COL1A1: variants seen among roughly 807,000 people sequenced by gnomAD.
COL1A1 encodes collagen type I alpha 1 chain.
In COL1A1, 21 loss-of-function variants were observed where a neutral mutation model predicts 195.7. The observed-to-expected ratio is 0.11, with a 90% CI of 0.08 to 0.15. The LOEUF is 0.15. Ranked by LOEUF, COL1A1 falls within the 10% of genes least tolerant of loss-of-function variation. The pLI is 1.00. For missense variants in COL1A1, 1,365 were observed against 2,051.0 expected (o/e 0.67, Z 6.46); for synonymous variants, 749 against 747.3 (o/e 1.00, Z -0.04).
At chr17:50,192,149 A>C (rs948221046) in intron 29 of COL1A1, 125 bp from the exon 30 acceptor site, 1 of 1,054,234 alleles carries the variant, frequency 9.5e-7, no homozygotes, top group African/African-American at 1.6e-5. Context: ...TCAGCACTGA[A>C]TTGAGATTAT....
At position 50,188,125 on chromosome 17, in the gene COL1A1, C is replaced by T. The variant is rs1000721897; in HGVS notation, c.3232G>A (p.Val1078Ile). The change falls in exon 44 of 51, where the codon GTC becomes ATC. Residue 1078 changes from valine (V) to isoleucine (I), a missense_variant. This residue lies in a region of COL1A1 where 671 missense variants were observed against 1,099.9 expected (regional missense o/e 0.61). Coordinates refer to ENST00000225964, the MANE Select transcript of COL1A1 (RefSeq NM_000088.4). The surrounding 1 kb of genome is among the most constrained non-coding windows in gnomAD (Gnocchi z 5.6). The part of the protein sequence containing the change: ...ETGPAGPAGP[V>I]GPVGARGPAG... ...GGGCCACGGGCGCCAACAGGGCCGA[C>T]AGGACCGGCGGGACCAGCAGGACCC... The T allele has an allele frequency of 3.8e-6, 6 of 1,574,954 alleles. No homozygotes were observed. Among genetic ancestry groups the T allele is most frequent in the African/African-American group, 2.7e-5 (2 of 73,984 alleles).
chr17:50,201,164 G>T (rs1227139713), intron 1 of COL1A1, among the ~76,000 whole-genome samples: 1 of 152,160 alleles, frequency 6.6e-6, no homozygotes, highest in Non-Finnish European at 1.5e-5. Flanking sequence ...GCGCGCTCGG[G>T]ATTCTCTCTT....
rs990301394 is a variant in COL1A1 at position 50,190,624 on chromosome 17, G to A, written c.2344-28C>T. On this transcript the variant is annotated intron_variant, in intron 33 of 50. Transcript: ENST00000225964. This position sits in a 1 kb window ranked among gnomAD's most constrained non-coding sequence, Gnocchi z 4.7. ...GAGAGCAAGGGACAAGAGGCTCAGG[G>A]TCAGGGCCTCCCCTGAATACTCCTA... The A allele has an allele frequency of 1.2e-6, 2 of 1,611,126 alleles. No individual in the cohort carries two copies. Among genetic ancestry groups the A allele is most frequent in the African/African-American group, 2.7e-5 (2 of 74,774 alleles).
intron 8 of COL1A1, 53 bp downstream of exon 8, chr17:50,197,896 G>C (rs1008421867): frequency 1.3e-6 from 2 of 1,599,052 alleles, no homozygotes; most frequent in Non-Finnish European, 1.7e-6. Flanking sequence ...TTCTTCTATA[G>C]GAGAGTCTGT....
rs772353130 is a variant in COL1A1, at chr17:50,186,447, T to A, written c.3875A>T (p.Asn1292Ile). The A allele has an allele frequency of 6.2e-7, 1 of 1,614,224 alleles. No homozygotes were observed. Among genetic ancestry groups the A allele is most frequent in the South Asian group, 1.1e-5 (1 of 91,084 alleles). Residue 1292 changes from asparagine to isoleucine, a missense_variant, in exon 49 of 51, where the codon AAC (asparagine) becomes ATC (isoleucine). Around this residue, in one of 5 missense-constraint regions of COL1A1, gnomAD observed 273 missense variants for 338.6 expected, o/e 0.81. Coordinates refer to ENST00000225964, the MANE Select transcript of COL1A1 (RefSeq NM_000088.4). The surrounding 1 kb of genome is among the most constrained non-coding windows in gnomAD (Gnocchi z 5.3). ...CACGCAGGTCTCACCAGTCTCCATG[T>A]TGCAGAAGACTTTGATGGCATCCAG... is the stretch of plus-strand genomic sequence containing the variant. ...CNLDAIKVFC[N>I]METGETCVYP...
intron 29 of COL1A1, 189 bp downstream of exon 29, chr17:50,192,286 G>GAA: frequency 2.6e-6 from 2 of 755,746 alleles, no homozygotes; most frequent in Non-Finnish European, 4.5e-6. Context: ...GCTCTTAAAA[G>GAA]AAGTCACCCA....
At position 50,192,540 on chromosome 17, in the gene COL1A1, A is replaced by G; in HGVS notation, c.1930-12T>C. On this transcript the variant is annotated splice_polypyrimidine_tract_variant and intron_variant, in intron 28 of 50. Transcript: ENST00000225964. Reference sequence around the variant, plus strand: ...GGACCAGGGAGACCCTGTAGGTGGGAAATGGGGGAAGAAGGGAGGGAAGGT... The same window carrying G: ...GGACCAGGGAGACCCTGTAGGTGGGGAATGGGGGAAGAAGGGAGGGAAGGT... The G allele has an allele frequency of 6.2e-7, 1 of 1,613,954 alleles. No homozygotes were observed. The highest frequency in any genetic ancestry group is 8.5e-7 in the Non-Finnish European group (1 of 1,179,960).
chr17:50,188,799 C>A lies in COL1A1; in HGVS notation c.3046-4G>T. 2 of 1,537,732 alleles carry A rather than the reference C, an allele frequency of 1.3e-6. No individual in the cohort carries two copies. The highest frequency in any genetic ancestry group is 1.8e-6 in the Non-Finnish European group (2 of 1,121,702). ...AACCTTCGGCACCAGGAGCCCCCTGCAGAGAGAGAGAGAGAGAAGTGAGAG... is the reference window on the plus strand; with the variant it reads ...AACCTTCGGCACCAGGAGCCCCCTGAAGAGAGAGAGAGAGAGAAGTGAGAG... On this transcript the variant is annotated splice_region_variant and splice_polypyrimidine_tract_variant and intron_variant, in intron 41 of 50. Transcript: ENST00000225964. This position sits in a 1 kb window ranked among gnomAD's most constrained non-coding sequence, Gnocchi z 5.6.
At position 50,197,031 on chromosome 17, in the gene COL1A1, G is replaced by A. The variant is rs369971149; in HGVS notation, c.783C>T (p.Leu261=). 5 of 1,613,944 alleles carry A rather than the reference G, an allele frequency of 3.1e-6. No individual in the cohort carries two copies. Among genetic ancestry groups the A allele is most frequent in the Non-Finnish European group, 3.4e-6 (4 of 1,180,000 alleles). The change falls in exon 11 of 51, where the codon CTC becomes CTT. Residue 261 remains leucine (L), a synonymous_variant. Coordinates refer to ENST00000225964, the MANE Select transcript of COL1A1 (RefSeq NM_000088.4). ...TCACTCTGTGTCCCTTCATTCCAGG[G>A]AGGCCAGCTGTTCCGGGCAATCCTC... The part of the protein sequence containing the change: ...GARGLPGTAG[L]PGMKGHRGFS...
rs372290536 is a variant in COL1A1 at position 50,186,689 on chromosome 17, G to A, written c.3765C>T (p.Pro1255=). 6.2e-6 allele frequency: 10 copies of A among 1,613,672 alleles called. No homozygotes were observed. The Admixed American group carries it at 8.3e-5, about 13-fold the overall frequency. Residue 1255 remains proline (P), a synonymous_variant, in exon 48 of 51, where the codon CCC becomes CCT. Transcript: ENST00000225964. The surrounding 1 kb of genome is among the most constrained non-coding windows in gnomAD (Gnocchi z 5.3). ...IRSPEGSRKN[P]ARTCRDLKMC... Reference sequence around the variant, plus strand: ...TCTTGAGGTCACGGCAGGTGCGGGCGGGGTTCTTGCGGCTGCCCTCTGGGC... The same window carrying A: ...TCTTGAGGTCACGGCAGGTGCGGGCAGGGTTCTTGCGGCTGCCCTCTGGGC...
intron 25 of COL1A1, chr17:50,193,347 G>T (rs1907265513): frequency 1.9e-6 from 1 of 513,864 alleles, no homozygotes; most frequent in Non-Finnish European, 3.5e-6. Context: ...CACCAAGACT[G>T]GGGGTGCCTA....
rs780472683 is a variant in COL1A1, at chr17:50,186,457, C to T, written c.3865G>A (p.Val1289Ile). The T allele has an allele frequency of 6.2e-7, 1 of 1,614,184 alleles. No individual in the cohort carries two copies. Among genetic ancestry groups the T allele is most frequent in the South Asian group, 1.1e-5 (1 of 91,078 alleles). Residue 1289 changes from valine (V) to isoleucine (I), a missense_variant, in exon 49 of 51, where the codon GTC (valine) becomes ATC (isoleucine). Val to Ile is a conservative substitution (Grantham distance 29, BLOSUM62 3). Coordinates refer to ENST00000225964, the MANE Select transcript of COL1A1 (RefSeq NM_000088.4). The surrounding 1 kb of genome is among the most constrained non-coding windows in gnomAD (Gnocchi z 5.3). Reference protein sequence around the residue: ...NQGCNLDAIKVFCNMETGETC... With the variant: ...NQGCNLDAIKIFCNMETGETC... ...TCACCAGTCTCCATGTTGCAGAAGA[C>T]TTTGATGGCATCCAGGTTGCAGCCT...
rs1349721736 is a variant in COL1A1, at chr17:50,187,945, G to A, written c.3300C>T (p.Gly1100=). The part of the protein sequence containing the change: ...QGPRGDKGET[G]EQGDRGIKGH... The stretch of plus-strand genomic sequence containing the variant: ...CCTTTATGCCTCTGTCGCCCTGTTC[G>A]CCTGTCTCACCCTTGTCACCACGGG... The change falls in exon 45 of 51, where the codon GGC becomes GGT. Residue 1100 remains glycine (G), a synonymous_variant. Coordinates refer to ENST00000225964, the MANE Select transcript of COL1A1 (RefSeq NM_000088.4). 1.2e-6 allele frequency: 2 copies of A among 1,613,896 alleles called. No individual in the cohort carries two copies. The highest frequency in any genetic ancestry group is 1.3e-5 in the African/African-American group (1 of 74,916).
In COL1A1 at chr17:50,190,002, A is replaced by G. The variant is rs2144552753; in HGVS notation, c.2558T>C (p.Ile853Thr). 2 of 1,606,984 alleles carry G rather than the reference A, an allele frequency of 1.2e-6. No homozygotes were observed. Among genetic ancestry groups the G allele is most frequent in the South Asian group, 1.1e-5 (1 of 90,156 alleles). ...PAGPAGPPGPIGNVGAPGAKG... is the reference protein window; with the variant it reads ...PAGPAGPPGPTGNVGAPGAKG... The stretch of plus-strand genomic sequence containing the variant: ...GGCACAGAGGGCCAAGCCACTCACA[A>G]TGGGGCCAGGGGGTCCAGCGGGTCC... Residue 853 changes from isoleucine to threonine, a missense_variant and splice_region_variant, in exon 36 of 51, where the codon ATT becomes ACT. Coordinates refer to ENST00000225964, the MANE Select transcript of COL1A1 (RefSeq NM_000088.4). This position sits in a 1 kb window ranked among gnomAD's most constrained non-coding sequence, Gnocchi z 4.7.
At chr17:50,197,119 C>T (rs368255980) in intron 10 of COL1A1, 56 bp from the exon 11 acceptor site, 48 of 1,613,768 alleles carry the variant, frequency 3.0e-5, no homozygotes, top group Non-Finnish European at 3.5e-5. Context: ...ACTGTGGACC[C>T]AGCTCCTAAA....
At chr17:50,191,302 G>A in intron 32 of COL1A1, 81 bp downstream of exon 32, 1 of 1,270,300 alleles carries the variant, frequency 7.9e-7, no homozygotes, top group Non-Finnish European at 1.2e-6. Flanking sequence ...ATCCCAGAGA[G>A]AAGGAGAGAT....
chr17:50,191,799 C>G lies in COL1A1; in HGVS notation c.2116G>C (p.Asp706His). ...PRGANGAPGN[D>H]GAKGDAGAPG... ...CACGCTGCCCTCACCTTAGCACCATCGTTGCCGGGAGCACCGTTGGCCCCT... is the reference window on the plus strand; with the variant it reads ...CACGCTGCCCTCACCTTAGCACCATGGTTGCCGGGAGCACCGTTGGCCCCT... The change falls in exon 31 of 51, where the codon GAT (aspartate) becomes CAT (histidine). Residue 706 changes from aspartate to histidine, a missense_variant. Physicochemically the swap from Asp to His is moderately conservative, Grantham distance 81 (BLOSUM62 -1). This residue lies in a region of COL1A1 where 671 missense variants were observed against 1,099.9 expected (regional missense o/e 0.61). Transcript: ENST00000225964. 7 of 1,586,370 alleles carry G rather than the reference C, an allele frequency of 4.4e-6. No homozygotes were observed. Among genetic ancestry groups the G allele is most frequent in the Non-Finnish European group, 6.0e-6 (7 of 1,165,158 alleles).
intron 32 of COL1A1, among the ~76,000 whole-genome samples, 156 bp downstream of exon 32, chr17:50,191,227 G>T (rs898184296): frequency 1.3e-5 from 2 of 152,276 alleles, no homozygotes; most frequent in South Asian, 2.1e-4. Context: ...ACAGGGAGAG[G>T]ATTCATCAGC....
In COL1A1 at chr17:50,193,923, G is replaced by A; in HGVS notation, c.1767+20C>T. Reference sequence around the variant, plus strand: ...GTGTGTTTGTCCCTGGCTCTTCATGGATCCTCACTTAATACTCACAGCAGC... The same window carrying A: ...GTGTGTTTGTCCCTGGCTCTTCATGAATCCTCACTTAATACTCACAGCAGC... On this transcript the variant is annotated intron_variant, in intron 25 of 50. Transcript: ENST00000225964. 2.5e-6 allele frequency: 4 copies of A among 1,607,454 alleles called. No individual in the cohort carries two copies. The highest frequency in any genetic ancestry group is 3.4e-6 in the Non-Finnish European group (4 of 1,173,954).
Sources: gnomAD v4.1 joint callset for allele counts (sites outside exome capture counted in the v4.1 genomes callset) on GRCh38, gnomAD v4.1.1 for gene constraint, gnomAD v4.1.1 regional missense constraint, Gnocchi (gnomAD v3.1) non-coding constraint, MANE v1.5 for transcripts, NCBI Gene and HGNC (gene_info 2026-07-23, HGNC 2026-07-21) for gene names.